Variants in MYO5C observed in about 807,000 individuals in gnomAD.
The protein encoded by MYO5C is unconventional myosin-Vc.
MYO5C carries 194 observed loss-of-function variants against 235.7 expected under a neutral mutation model. The observed-to-expected ratio is 0.82, with a 90% CI of 0.73 to 0.93. MYO5C has a LOEUF of 0.93. Ranked by LOEUF, MYO5C falls within the 40% of genes least tolerant of loss-of-function variation. MYO5C has a pLI of 0.00. For synonymous variants in MYO5C, 707 were observed against 754.8 expected, an observed-to-expected ratio of 0.94 and a Z score of 1.04; for missense variants, 2,038 against 2,127.2, an observed-to-expected ratio of 0.96 and a Z score of 0.82.
In MYO5C at chr15:52,229,318, G is replaced by A. The variant is rs199814591; in HGVS notation, c.3027-5C>T. ...TCAAAACTTTTTTCAAGAAGCCTAC[G>A]CAGCAAAAGAAGAAAATAATTTAGA... On this transcript the variant is annotated splice_region_variant and splice_polypyrimidine_tract_variant and intron_variant, in intron 24 of 40. Coordinates refer to ENST00000261839, the MANE Select transcript of MYO5C (RefSeq NM_018728.4). 3.1e-5 allele frequency: 50 copies of A among 1,608,690 alleles called. No individual in the cohort carries two copies. Among genetic ancestry groups the A allele is most frequent in the Non-Finnish European group, 3.7e-5 (44 of 1,179,342 alleles).
At chr15:52,220,523 TA>T (rs768505052) in intron 30 of MYO5C, among the ~76,000 whole-genome samples, 165 of 152,142 alleles carry the variant, frequency 1.1e-3, no homozygotes, top group African/African-American at 2.1e-3. Flanking sequence ...TGACTTATTT[TA>T]AAAAAATTTT....
intron 1 of MYO5C, 125 bp downstream of exon 1, chr15:52,295,484 GC>G (rs2037481692): frequency 8.7e-7 from 1 of 1,151,034 alleles, no homozygotes; most frequent in African/African-American, 1.6e-5. Context: ...CCCCCAGCGC[GC>G]GCCCGCCCGC....
chr15:52,213,343 AC>A, intron 33 of MYO5C, 57 bp from the exon 34 acceptor site: 1 of 1,226,564 alleles, frequency 8.2e-7, no homozygotes, highest in Non-Finnish European at 1.2e-6. Flanking sequence ...CACAGGTCTC[AC>A]AATGTGACTA....
At chr15:52,199,735 C>T (rs187787452) in intron 38 of MYO5C, among the ~76,000 whole-genome samples, 1 of 152,104 alleles carries the variant, frequency 6.6e-6, no homozygotes, top group African/African-American at 2.4e-5. Flanking sequence ...GCAGTGGTGG[C>T]GAAGGAGGCC....
At chr15:52,207,080 C>T (rs974404571) in intron 36 of MYO5C, among the ~76,000 whole-genome samples, 3 of 151,678 alleles carry the variant, frequency 2.0e-5, no homozygotes, top group Admixed American at 1.3e-4. Flanking sequence ...TTGCAGTGAG[C>T]CAAGATCGTG....
chr15:52,226,208 G>T (rs1372702087), intron 25 of MYO5C, among the ~76,000 whole-genome samples: 1 of 152,184 alleles, frequency 6.6e-6, no homozygotes, highest in Non-Finnish European at 1.5e-5. Flanking sequence ...AAGGACATGG[G>T]CAAAGTTGCC....
At position 52,223,719 on chromosome 15, in the gene MYO5C, A is replaced by G; in HGVS notation, c.3452T>C (p.Leu1151Ser). 1 of 1,613,656 alleles carries G rather than the reference A, an allele frequency of 6.2e-7. No individual in the cohort carries two copies. Among genetic ancestry groups the G allele is most frequent in the African/African-American group, 1.3e-5 (1 of 74,994 alleles). ...CTTCTGAGACTGGAAATGGCTCTCCAAAACACTATTAAAGGAGGGGTCAAG... is the reference window on the plus strand; with the variant it reads ...CTTCTGAGACTGGAAATGGCTCTCCGAAACACTATTAAAGGAGGGGTCAAG... ...YEGLKKATRV[L>S]ESHFQSQKDC... The change falls in exon 29 of 41, where the codon TTG (leucine) becomes TCG (serine). Residue 1151 changes from leucine to serine, a missense_variant. Physicochemically the swap from Leu to Ser is moderately radical, Grantham distance 145. Coordinates refer to ENST00000261839, the MANE Select transcript of MYO5C (RefSeq NM_018728.4).
intron 4 of MYO5C, 66 bp from the exon 5 acceptor site, chr15:52,275,784 A>C: frequency 6.7e-7 from 1 of 1,487,740 alleles, no homozygotes; most frequent in Non-Finnish European, 9.4e-7. Context: ...GTGCTAATTA[A>C]GACAAATGTG....
At chr15:52,217,196 A>G (rs1001503917) in intron 32 of MYO5C, among the ~76,000 whole-genome samples, 3 of 152,194 alleles carry the variant, frequency 2.0e-5, no homozygotes, top group African/African-American at 4.8e-5. Flanking sequence ...GTCTGCTTCT[A>G]TGTAACAGTG....
chr15:52,247,750 G>A (rs934396162), intron 14 of MYO5C, among the ~76,000 whole-genome samples, 158 bp from the exon 15 acceptor site: 5 of 152,190 alleles, frequency 3.3e-5, no homozygotes, highest in Admixed American at 2.0e-4. Flanking sequence ...CAAGACGATC[G>A]TCTTTCATAG....
chr15:52,221,754 C>A (rs913004277), intron 29 of MYO5C, among the ~76,000 whole-genome samples: 1 of 152,172 alleles, frequency 6.6e-6, no homozygotes, highest in African/African-American at 2.4e-5. Context: ...ATCGCCTCCA[C>A]CCCCAGTTAG....
chr15:52,278,615 G>A (rs1483975080), intron 4 of MYO5C, among the ~76,000 whole-genome samples: 7 of 151,900 alleles, frequency 4.6e-5, no homozygotes, highest in Non-Finnish European at 8.8e-5. Flanking sequence ...TGCAAGAAAA[G>A]CATCTGCTAT....
intron 4 of MYO5C, among the ~76,000 whole-genome samples, chr15:52,277,402 T>G (rs747764793): frequency 6.6e-6 from 1 of 151,926 alleles, no homozygotes; most frequent in Non-Finnish European, 1.5e-5. Flanking sequence ...GGGAAAAATC[T>G]CAGAACCACA....
intron 14 of MYO5C, 89 bp from the exon 15 acceptor site, chr15:52,247,681 A>T: frequency 7.0e-7 from 1 of 1,437,252 alleles, no homozygotes; most frequent in Middle Eastern, 1.8e-4. Context: ...ACAACAACTC[A>T]GCTAAACTAG....
chr15:52,285,620 C>T (rs1243093011), intron 1 of MYO5C, among the ~76,000 whole-genome samples: 2 of 152,220 alleles, frequency 1.3e-5, no homozygotes, highest in East Asian at 3.9e-4. Flanking sequence ...AGTGGCGCGC[C>T]GCCACGCCTG....
At chr15:52,281,287 T>C (rs1241679637) in intron 2 of MYO5C, among the ~76,000 whole-genome samples, 2 of 152,148 alleles carry the variant, frequency 1.3e-5, no homozygotes, top group Non-Finnish European at 2.9e-5. Context: ...ACAGGCCTTG[T>C]CTCTTACAGT....
Position 52,247,567 on chromosome 15 carries a change from T to C in MYO5C, c.1772A>G (p.Gln591Arg). 2.5e-6 allele frequency: 4 copies of C among 1,614,094 alleles called. No individual in the cohort carries two copies. Among genetic ancestry groups the C allele is most frequent in the Non-Finnish European group, 3.4e-6 (4 of 1,180,008 alleles). The change falls in exon 15 of 41, where the codon CAA becomes CGA. Residue 591 changes from glutamine (Q) to arginine (R), a missense_variant. Coordinates refer to ENST00000261839, the MANE Select transcript of MYO5C (RefSeq NM_018728.4). ...AGGAGAAGGAGGAGTTGGATTTTCT[T>C]GAAAAAAGTTGGCACAGAGATGAAA... ...SKFHLCANFF[Q>R]ENPTPPSPFG...
At chr15:52,288,016 G>A (rs75617703) in intron 1 of MYO5C, among the ~76,000 whole-genome samples, 101 of 152,252 alleles carry the variant, frequency 6.6e-4, no homozygotes, top group African/African-American at 2.3e-3. Flanking sequence ...CTGGCTAAGC[G>A]AAGCTGGTGA....
intron 35 of MYO5C, 41 bp downstream of exon 35, chr15:52,211,689 T>C (rs575205626): frequency 2.1e-5 from 33 of 1,598,766 alleles, no homozygotes; most frequent in Middle Eastern, 1.7e-4. Context: ...GTCATTCCCA[T>C]AGATGTGATA....
Sources: gnomAD v4.1 joint callset for allele counts (sites outside exome capture counted in the v4.1 genomes callset) on GRCh38, gnomAD v4.1.1 for gene constraint, MANE v1.5 for transcripts, NCBI Gene and HGNC (gene_info 2026-07-23, HGNC 2026-07-21) for gene names.